The following SETD2 variants were observed in gnomAD, a reference collection of about 807,000 sequenced individuals.
SETD2 encodes histone-lysine N-methyltransferase SETD2.
In SETD2, 31 loss-of-function variants were observed where a neutral mutation model predicts 242.1. The ratio of observed to expected loss-of-function variants is 0.13; its 90% CI spans 0.10 to 0.17. The LOEUF (loss-of-function observed/expected upper bound fraction) is 0.17, where lower values mean the gene tolerates loss of function less well. Ranked by LOEUF, SETD2 falls within the 10% of genes least tolerant of loss-of-function variation. The probability of loss-of-function intolerance (pLI) is 1.00; values close to 1 mark genes in which losing one functional copy is unlikely to be tolerated. For missense variants in SETD2, 2,481 were observed against 3,046.3 expected, an observed-to-expected ratio of 0.81 and a Z score of 4.37; for synonymous variants, 1,006 against 1,066.5, an observed-to-expected ratio of 0.94 and a Z score of 1.11.
chr3:47,141,133 A>T (rs528965995), intron 1 of SETD2, among the ~76,000 whole-genome samples: 281 of 48,232 alleles, frequency 5.8e-3, no homozygotes, highest in Middle Eastern at 0.021. Flanking sequence ...TCAGCCTCCC[A>T]AGTAGCTAGG....
At chr3:47,082,581 T>C (rs2041363273) in intron 12 of SETD2, among the ~76,000 whole-genome samples, 1 of 152,230 alleles carries the variant, frequency 6.6e-6, no homozygotes, top group African/African-American at 2.4e-5. Context: ...CTACGAACTC[T>C]TCCTTTCATA....
chr3:47,111,267 T>C (rs2042641070), intron 5 of SETD2, among the ~76,000 whole-genome samples: 1 of 152,084 alleles, frequency 6.6e-6, no homozygotes, highest in South Asian at 2.1e-4. Context: ...TAACCAATTA[T>C]TTGTTTAAAA....
chr3:47,025,135 G>A (rs1350577859), intron 18 of SETD2, among the ~76,000 whole-genome samples: 5 of 152,256 alleles, frequency 3.3e-5, no homozygotes, highest in Non-Finnish European at 5.9e-5. Context: ...CCACTGCAGG[G>A]AGCTCAAACT....
intron 18 of SETD2, among the ~76,000 whole-genome samples, chr3:47,025,192 T>C (rs2038418015): frequency 6.6e-6 from 1 of 152,106 alleles, no homozygotes; most frequent in South Asian, 2.1e-4. Flanking sequence ...TTTCTTTCAT[T>C]CCCTAGGCTG....
At chr3:47,043,024 ATCTT>A (rs1202460005) in intron 16 of SETD2, among the ~76,000 whole-genome samples, 2 of 151,356 alleles carry the variant, frequency 1.3e-5, no homozygotes, top group Admixed American at 6.6e-5. Flanking sequence ...ATACAGAAAT[ATCTT>A]TATCTTTAAA....
intron 16 of SETD2, among the ~76,000 whole-genome samples, chr3:47,045,116 G>C (rs1390001002): frequency 6.6e-6 from 1 of 152,166 alleles, no homozygotes; most frequent in Non-Finnish European, 1.5e-5. Context: ...GGCCAGGTGT[G>C]GTGGCTCACG....
chr3:47,119,779 T>C (rs545333471), intron 3 of SETD2: 7 of 471,284 alleles, frequency 1.5e-5, no homozygotes, highest in African/African-American at 1.0e-4. Context: ...AGATACTTCA[T>C]TCTGCACATT....
chr3:47,130,472 TAAG>T (rs2043451233), intron 1 of SETD2, among the ~76,000 whole-genome samples: 1 of 152,182 alleles, frequency 6.6e-6, no homozygotes. Flanking sequence ...GCTGCAGCAA[TAAG>T]AAGGCAGGAC....
At position 47,124,247 on chromosome 3, in the gene SETD2, G is replaced by A. The variant is rs550723354; in HGVS notation, c.389C>T (p.Ser130Phe). The A allele has an allele frequency of 6.4e-7, 1 of 1,551,744 alleles. No individual in the cohort carries two copies. Among genetic ancestry groups the A allele is most frequent in the Non-Finnish European group, 8.7e-7 (1 of 1,146,996 alleles). ...IGDTLSTAEE[S>F]SPPKSRVELG... is the part of the protein sequence containing the mutation. The stretch of plus-strand genomic sequence containing the variant: ...TTCCACCCTTGACTTTGGTGGGGAA[G>A]ATTCTTCTGCAGTAGATAAGGTATC... Residue 130 changes from serine (S) to phenylalanine (F), a missense_variant, in exon 3 of 21, where the codon TCT (serine) becomes TTT (phenylalanine). This residue lies in a region of SETD2 where 334 missense variants were observed against 374.5 expected (regional missense o/e 0.89). Transcript: ENST00000409792.
At chr3:47,050,001 C>T (rs988363124) in intron 15 of SETD2, among the ~76,000 whole-genome samples, 3 of 145,684 alleles carry the variant, frequency 2.1e-5, no homozygotes, top group Admixed American at 1.4e-4. Context: ...ATTTATGTTT[C>T]TTATATATAT....
chr3:47,161,178 T>C (rs1697480074), intron 1 of SETD2, among the ~76,000 whole-genome samples: 1 of 152,188 alleles, frequency 6.6e-6, no homozygotes, highest in Admixed American at 6.5e-5. Flanking sequence ...TTTTAACTTT[T>C]CCCTGATGAC....
At position 47,113,378 on chromosome 3, in the gene SETD2, T is replaced by C. The variant is rs559526938; in HGVS notation, c.4715+498A>G. 3.3e-5 allele frequency among the ~76,000 whole-genome samples: 5 copies of C among 152,280 alleles called. No homozygotes were observed. The South Asian group carries it at 1.0e-3, about 32-fold the overall frequency. ...CTGGGGGTCCACAGTAAACACTTGG[T>C]AGTTGCTTGGAATTAAAGAAAACAT... On this transcript the variant is annotated intron_variant, in intron 5 of 20. Coordinates refer to ENST00000409792, the MANE Select transcript of SETD2 (RefSeq NM_014159.7).
rs1480277224 is a variant in SETD2 at position 47,034,528 on chromosome 3, T to TG, written c.7350+3137dup. Among the ~76,000 whole-genome samples the TG allele has an allele frequency of 7.9e-5, 12 of 152,308 alleles. No homozygotes were observed. The East Asian group carries it at 2.3e-3, about 29-fold the overall frequency. ...ATTTTTAACAATTAGCCAGGCATGG[T>TG]GGCATGTACCTATAGTCCTAGCCAC... On this transcript the variant is annotated intron_variant, in intron 18 of 20. Transcript: ENST00000409792.
intron 1 of SETD2, among the ~76,000 whole-genome samples, chr3:47,163,040 C>T (rs1198670363): frequency 6.6e-6 from 1 of 152,158 alleles, no homozygotes; most frequent in African/African-American, 2.4e-5. Context: ...GAAAGTCATC[C>T]GTTTAGGGTA....
intron 18 of SETD2, among the ~76,000 whole-genome samples, chr3:47,033,073 G>A (rs569024361): frequency 6.6e-6 from 1 of 152,178 alleles, no homozygotes; most frequent in African/African-American, 2.4e-5. Flanking sequence ...ACCATACAAA[G>A]GTTCATATTC....
chr3:47,096,049 C>T (rs1298676749), intron 9 of SETD2, among the ~76,000 whole-genome samples: 1 of 152,172 alleles, frequency 6.6e-6, no homozygotes, highest in East Asian at 1.9e-4. Flanking sequence ...AGCCACCACG[C>T]CCAGCTATAT....
intron 1 of SETD2, among the ~76,000 whole-genome samples, chr3:47,129,730 C>G (rs2043433278): frequency 1.3e-5 from 2 of 152,008 alleles, no homozygotes; most frequent in Admixed American, 1.3e-4. Flanking sequence ...TACAAAAATA[C>G]AAAAATTAGC....
intron 1 of SETD2, among the ~76,000 whole-genome samples, chr3:47,140,471 T>C (rs1267732166): frequency 6.6e-6 from 1 of 152,170 alleles, no homozygotes; most frequent in Non-Finnish European, 1.5e-5. Context: ...TAGCAAAAAG[T>C]GAGAGAGGAA....
At chr3:47,151,758 C>T (rs1327432901) in intron 1 of SETD2, among the ~76,000 whole-genome samples, 2 of 147,364 alleles carry the variant, frequency 1.4e-5, no homozygotes, top group South Asian at 2.1e-4. Flanking sequence ...ACCCGGGAAG[C>T]GGAGGTTGCA....
Sources: gnomAD v4.1 joint callset for allele counts (sites outside exome capture counted in the v4.1 genomes callset) on GRCh38, gnomAD v4.1.1 for gene constraint, gnomAD v4.1.1 regional missense constraint, MANE v1.5 for transcripts, NCBI Gene and HGNC (gene_info 2026-07-23, HGNC 2026-07-21) for gene names.